Variants in NDUFAF5 observed in about 807,000 individuals in gnomAD.
NDUFAF5 encodes arginine-hydroxylase NDUFAF5, mitochondrial.
Under a neutral mutation model 48.9 loss-of-function variants are expected in NDUFAF5, and 34 were observed. That is an observed-to-expected ratio of 0.70 (90% CI 0.53 to 0.93). The LOEUF (loss-of-function observed/expected upper bound fraction) is 0.93, where lower values mean the gene tolerates loss of function less well. Among genes scored for constraint, NDUFAF5 ranks in the 40% least tolerant of loss-of-function variants. The pLI is 0.00. For synonymous variants in NDUFAF5, 153 were observed against 150.6 expected (o/e 1.02, Z -0.12); for missense variants, 428 against 427.5 (o/e 1.00, Z -0.01).
rs1007313259 is a variant in NDUFAF5 at position 13,817,919 on chromosome 20, TAATC to T, written c.*712_*715del. The T allele has an allele frequency of 1.3e-5, 6 of 454,030 alleles. No individual in the cohort carries two copies. The highest frequency in any genetic ancestry group is 2.2e-5 in the Non-Finnish European group (5 of 226,798). 28.1% of individuals were successfully genotyped at this position (454,030 alleles called of 1,614,324 possible). A position where few individuals can be genotyped will look rare whatever the true frequency, so the allele number is the denominator to read the frequency against. Reference sequence around the variant, plus strand: ...AGGAGGGTTCAAAATCATTTGGAGATAATCAAGCTCAGACAGCTTAGGATAGGTG... The same window carrying T: ...AGGAGGGTTCAAAATCATTTGGAGATAAGCTCAGACAGCTTAGGATAGGTG... On this transcript the variant is annotated 3_prime_UTR_variant, in exon 11 of 11. Transcript: ENST00000378106.
chr20:13,813,128 T>C, intron 8 of NDUFAF5: 1 of 152,418 alleles, frequency 6.6e-6, no homozygotes, highest in Non-Finnish European at 1.5e-5. Context: ...TTTTGTATTT[T>C]TAGTAGAGAC....
intron 5 of NDUFAF5, 68 bp from the exon 6 acceptor site, chr20:13,798,393 C>T (rs529148123): frequency 1.8e-6 from 2 of 1,117,816 alleles, no homozygotes; most frequent in African/African-American, 1.5e-5. Flanking sequence ...TTATCATTAA[C>T]CTGGTGATAA....
At chr20:13,787,693 CTG>C (rs1349236858) in intron 2 of NDUFAF5, among the ~76,000 whole-genome samples, 5 of 152,170 alleles carry the variant, frequency 3.3e-5, no homozygotes, top group Non-Finnish European at 5.9e-5. Context: ...CTGTACCTAA[CTG>C]TGCCATATTG....
At chr20:13,799,835 T>C (rs1249572442) in intron 6 of NDUFAF5, among the ~76,000 whole-genome samples, 2 of 152,066 alleles carry the variant, frequency 1.3e-5, no homozygotes, top group Non-Finnish European at 2.9e-5. Flanking sequence ...TATTTAGGAC[T>C]CTACAAGGAA....
intron 6 of NDUFAF5, among the ~76,000 whole-genome samples, chr20:13,800,821 C>T (rs1365567477): frequency 6.6e-6 from 1 of 152,142 alleles, no homozygotes; most frequent in East Asian, 1.9e-4. Context: ...TGATCAGCTG[C>T]CAGATCGTCT....
In NDUFAF5 at chr20:13,818,409, C is replaced by T; in HGVS notation, c.*1199C>T. 5.9e-6 allele frequency: 2 copies of T among 336,614 alleles called. No individual in the cohort carries two copies. Among genetic ancestry groups the T allele is most frequent in the Non-Finnish European group, 1.2e-5 (2 of 172,102 alleles). 20.9% of individuals were successfully genotyped at this position (336,614 alleles called of 1,614,324 possible). ...TTTTTTGTTTTAACACAAAGTAAAC[C>T]TGTGAAGTAGAATTTGGCGTTTTGT... On this transcript the variant is annotated 3_prime_UTR_variant, in exon 11 of 11. Coordinates refer to ENST00000378106, the MANE Select transcript of NDUFAF5 (RefSeq NM_024120.5).
chr20:13,785,250 G>C lies in NDUFAF5; in HGVS notation c.182G>C (p.Arg61Pro), dbSNP rs762973692. The C allele has an allele frequency of 1.2e-6, 2 of 1,612,982 alleles. No individual in the cohort carries two copies. Among genetic ancestry groups the C allele is most frequent in the Admixed American group, 1.7e-5 (1 of 59,938 alleles). The change falls in exon 1 of 11, where the codon CGG becomes CCG. Residue 61 changes from arginine to proline, a missense_variant. Physicochemically the swap from Arg to Pro is moderately radical, Grantham distance 103 (BLOSUM62 -2). Coordinates refer to ENST00000378106, the MANE Select transcript of NDUFAF5 (RefSeq NM_024120.5). Reference protein sequence around the residue: ...LKRKQKNWAARQPEPTKFDYL... With the variant: ...LKRKQKNWAAPQPEPTKFDYL... ...AGGAAACAGAAGAACTGGGCAGCCCGGCAGCCCGAGCCGACCAAATTTGAC... is the reference window on the plus strand; with the variant it reads ...AGGAAACAGAAGAACTGGGCAGCCCCGCAGCCCGAGCCGACCAAATTTGAC...
chr20:13,788,666 A>G lies in NDUFAF5; in HGVS notation c.327+14A>G, dbSNP rs761263053. 3 of 1,557,802 alleles carry G rather than the reference A, an allele frequency of 1.9e-6. No homozygotes were observed. Among genetic ancestry groups the G allele is most frequent in the East Asian group, 2.2e-5 (1 of 44,500 alleles). On this transcript the variant is annotated intron_variant, in intron 3 of 10. Coordinates refer to ENST00000378106, the MANE Select transcript of NDUFAF5 (RefSeq NM_024120.5). The stretch of plus-strand genomic sequence containing the variant: ...TATTTGAATAAGGTATATTTATTCA[A>G]TGACCTAATTTACTTTGAAAAGTAA...
Position 13,787,037 on chromosome 20 carries a change from A to G in NDUFAF5, c.223-275A>G. ...CTTTTCATCCTTGTGATCTTATGTC[A>G]CATGGAATGTAAAGGCCACATATAT... On this transcript the variant is annotated intron_variant, in intron 1 of 10. Transcript: ENST00000378106. The G allele has an allele frequency of 1.2e-5, 6 of 489,030 alleles. 1 individual carries two copies. Among genetic ancestry groups the G allele is most frequent in the South Asian group, 1.1e-4 (5 of 46,164 alleles). 30.3% of individuals were successfully genotyped at this position (489,030 alleles called of 1,614,324 possible).
Position 13,819,051 on chromosome 20 carries a change from A to G in NDUFAF5, c.*1841A>G, listed in dbSNP as rs1250470497. 1 of 152,262 alleles carries G rather than the reference A, an allele frequency of 6.6e-6. No homozygotes were observed. The highest frequency in any genetic ancestry group is 1.5e-5 in the Non-Finnish European group (1 of 68,056). The allele number at this position is 152,262 out of a possible 1,614,324, so 9.4% of individuals were successfully genotyped here. A position where few individuals can be genotyped will look rare whatever the true frequency, so the allele number is the denominator to read the frequency against. ...CCATTTGTTTAAAAAAATTAAGTAA[A>G]TCAAACACAGCTAATTGAGGACCCT... On this transcript the variant is annotated 3_prime_UTR_variant, in exon 11 of 11. Coordinates refer to ENST00000378106, the MANE Select transcript of NDUFAF5 (RefSeq NM_024120.5).
intron 8 of NDUFAF5, 57 bp downstream of exon 8, chr20:13,808,959 G>T: frequency 2.6e-6 from 3 of 1,160,906 alleles, no homozygotes; most frequent in South Asian, 2.5e-5. Context: ...CAAAAAAAAA[G>T]AATTTTTAGA....
chr20:13,801,620 T>C lies in NDUFAF5; in HGVS notation c.654T>C (p.Pro218=). 6.2e-7 allele frequency: 1 copy of C among 1,614,070 alleles called. No individual in the cohort carries two copies. Among genetic ancestry groups the C allele is most frequent in the South Asian group, 1.1e-5 (1 of 91,078 alleles). ...REGGFSPHIS[P]FTAVNDLGHL... Reference sequence around the variant, plus strand: ...GAGGATTTTCTCCACACATTTCTCCTTTCACTGCTGTCAATGACCTGGGAC... The same window carrying C: ...GAGGATTTTCTCCACACATTTCTCCCTTCACTGCTGTCAATGACCTGGGAC... The change falls in exon 7 of 11, where the codon CCT becomes CCC. Residue 218 remains proline (P), a synonymous_variant. Transcript: ENST00000378106.
chr20:13,801,750 G>A (rs1234350964), intron 7 of NDUFAF5, 67 bp downstream of exon 7: 1 of 1,405,380 alleles, frequency 7.1e-7, no homozygotes, highest in East Asian at 2.3e-5. Context: ...TCATTTTAAA[G>A]ATAGAAAACT....
chr20:13,808,842 G>A lies in NDUFAF5; in HGVS notation c.718G>A (p.Asp240Asn). The A allele has an allele frequency of 6.5e-7, 1 of 1,547,700 alleles. No individual in the cohort carries two copies. The highest frequency in any genetic ancestry group is 1.7e-5 in the Admixed American group (1 of 59,866). Residue 240 changes from aspartate (D) to asparagine (N), a missense_variant and splice_region_variant, in exon 8 of 11, where the codon GAC (aspartate) becomes AAC (asparagine). Transcript: ENST00000378106. ...GRAGFNTLTV[D>N]TDEIQVNYPG... ...AATATTTCTTTTTCTTTTTAAATAG[G>A]ACACTGATGAAATTCAAGTTAACTA... is the stretch of plus-strand genomic sequence containing the variant.
At chr20:13,793,757 C>T (rs555992708) in intron 4 of NDUFAF5, among the ~76,000 whole-genome samples, 3 of 152,212 alleles carry the variant, frequency 2.0e-5, no homozygotes, top group Non-Finnish European at 2.9e-5. Flanking sequence ...TTCCTGGTAG[C>T]GGAATTTATG....
intron 7 of NDUFAF5, 141 bp downstream of exon 7, chr20:13,801,824 G>T: frequency 1.5e-6 from 1 of 681,962 alleles, no homozygotes; most frequent in Non-Finnish European, 2.5e-6. Flanking sequence ...TAAGGGAAAA[G>T]CTCTGATTGA....
At chr20:13,801,820 A>G in intron 7 of NDUFAF5, 137 bp downstream of exon 7, 3 of 695,488 alleles carry the variant, frequency 4.3e-6, no homozygotes, top group Admixed American at 5.1e-5. Context: ...TTTTTAAGGG[A>G]AAAGCTCTGA....
rs537869736 is a variant in NDUFAF5, at chr20:13,811,490, A to G, written c.778+2588A>G. On this transcript the variant is annotated intron_variant, in intron 8 of 10. Transcript: ENST00000378106. ...AGTACTGGAGTGTAGAGGAAAACTG[A>G]GCCAAGTGCCAAACCTTTCAGTGAA... 3.3e-5 allele frequency among the ~76,000 whole-genome samples: 5 copies of G among 152,172 alleles called. No individual in the cohort carries two copies. The East Asian group carries it at 7.7e-4, about 24-fold the overall frequency.
chr20:13,792,118 T>G (rs958736362), intron 3 of NDUFAF5, among the ~76,000 whole-genome samples: 24 of 152,196 alleles, frequency 1.6e-4, no homozygotes, highest in African/African-American at 3.9e-4. Context: ...TCGAAGTCTC[T>G]TAGTTCAAAT....
Sources: gnomAD v4.1 joint callset for allele counts (sites outside exome capture counted in the v4.1 genomes callset) on GRCh38, gnomAD v4.1.1 for gene constraint, MANE v1.5 for transcripts, NCBI Gene and HGNC (gene_info 2026-07-23, HGNC 2026-07-21) for gene names.